Variants in E2F3 observed in about 807,000 individuals in gnomAD.
The protein encoded by E2F3 is E2F transcription factor 3, also known as transcription factor E2F3.
E2F3 carries 11 observed loss-of-function variants against 44.4 expected under a neutral mutation model. The ratio of observed to expected loss-of-function variants is 0.25; its 90% CI spans 0.16 to 0.41. E2F3 has a LOEUF of 0.41. Among genes scored for constraint, E2F3 ranks in the 10% least tolerant of loss-of-function variants. The pLI is 1.00. For synonymous variants in E2F3, 249 were observed against 253.0 expected, an observed-to-expected ratio of 0.98 and a Z score of 0.15; for missense variants, 487 against 583.6, an observed-to-expected ratio of 0.83 and a Z score of 1.70.
At chr6:20,454,662 G>A (rs1041811552) in intron 1 of E2F3, among the ~76,000 whole-genome samples, 19 of 152,246 alleles carry the variant, frequency 1.2e-4, no homozygotes, top group African/African-American at 3.4e-4. Context: ...GTTTTGTAGC[G>A]TTGAAGACTT....
chr6:20,428,233 T>C (rs1760279997), intron 1 of E2F3, among the ~76,000 whole-genome samples: 1 of 151,938 alleles, frequency 6.6e-6, no homozygotes. Flanking sequence ...TTATTTTTTT[T>C]TATTTTTTGA....
chr6:20,424,838 G>C (rs375497431), intron 1 of E2F3, among the ~76,000 whole-genome samples: 1 of 152,208 alleles, frequency 6.6e-6, no homozygotes, highest in Non-Finnish European at 1.5e-5. Flanking sequence ...GTGAGGCTCA[G>C]TGATGAAGCA....
At chr6:20,446,954 A>G (rs1479776118) in intron 1 of E2F3, among the ~76,000 whole-genome samples, 1 of 152,218 alleles carries the variant, frequency 6.6e-6, no homozygotes. Context: ...TAATAACAAA[A>G]AGCACCTTCA....
intron 1 of E2F3, among the ~76,000 whole-genome samples, chr6:20,451,994 A>G (rs1193700278): frequency 6.6e-6 from 1 of 152,200 alleles, no homozygotes; most frequent in African/African-American, 2.4e-5. Flanking sequence ...ATAGATGTTC[A>G]TCAAGGATAT....
intron 1 of E2F3, among the ~76,000 whole-genome samples, chr6:20,472,564 G>A (rs925583662): frequency 1.2e-4 from 19 of 152,084 alleles, no homozygotes; most frequent in African/African-American, 4.6e-4. Context: ...CTACTCAGGA[G>A]GCTGAGGTGG....
Position 20,402,466 on chromosome 6 carries a change from C to G in E2F3, c.234C>G (p.Ala78=). The G allele has an allele frequency of 6.2e-7, 1 of 1,609,936 alleles. No individual in the cohort carries two copies. Among genetic ancestry groups the G allele is most frequent in the African/African-American group, 1.3e-5 (1 of 74,930 alleles). Residue 78 remains alanine (A), a synonymous_variant, in exon 1 of 7, where the codon GCC becomes GCG. Coordinates refer to ENST00000346618, the MANE Select transcript of E2F3 (RefSeq NM_001949.5). This position sits in a 1 kb window ranked among gnomAD's most constrained non-coding sequence, Gnocchi z 5.6. ...TSCSSSLQSG[A]VAAGPLLPSA... Reference sequence around the variant, plus strand: ...GTTCCTCCTCCCTCCAAAGCGGCGCCGTAGCCGCCGGCCCCCTCCTCCCCA... The same window carrying G: ...GTTCCTCCTCCCTCCAAAGCGGCGCGGTAGCCGCCGGCCCCCTCCTCCCCA...
rs113085486 is a variant in E2F3, at chr6:20,483,055, ATG to A, written c.884+148_884+149del. The A allele has an allele frequency of 4.8e-3, 6,106 of 1,283,236 alleles. 59 individuals carry two copies. The highest frequency in any genetic ancestry group is 0.043 in the African/African-American group (2,884 of 67,816). 79.5% of individuals were successfully genotyped at this position (1,283,236 alleles called of 1,614,324 possible). On this transcript the variant is annotated intron_variant, in intron 4 of 6. Transcript: ENST00000346618. ...TGAGTACCTGTGTGCCTGTGTGTGT[ATG>A]TGTGTGTGTGTGCACGTGTGTGTGT...
At chr6:20,447,304 G>C (rs144838831) in intron 1 of E2F3, among the ~76,000 whole-genome samples, 2 of 152,148 alleles carry the variant, frequency 1.3e-5, no homozygotes, top group African/African-American at 2.4e-5. Flanking sequence ...GCAGTACTAC[G>C]TTATTAGTGG....
intron 1 of E2F3, chr6:20,403,769 T>C: frequency 2.0e-6 from 3 of 1,492,314 alleles, no homozygotes; most frequent in South Asian, 2.5e-5. Context: ...GGGCCCCCTC[T>C]CCAGCCGGCC....
At chr6:20,412,959 G>A (rs1034566872) in intron 1 of E2F3, among the ~76,000 whole-genome samples, 3 of 152,124 alleles carry the variant, frequency 2.0e-5, no homozygotes, top group Non-Finnish European at 4.4e-5. Flanking sequence ...TGCTTTACTC[G>A]CATTAGCACA....
chr6:20,424,210 G>GGGGT lies in E2F3; in HGVS notation c.393+21586_393+21587insGGTG, dbSNP rs1554135916. ...TTTTGATCTTTAACCTCAGTGGAAG[G>GGGGT]GTGTGTGTGTGTGTGTGTGTGTGTG... On this transcript the variant is annotated intron_variant, in intron 1 of 6. Transcript: ENST00000346618. Among the ~76,000 whole-genome samples the GGGGT allele has an allele frequency of 5.9e-4, 81 of 136,998 alleles. 1 individual carries two copies. Among genetic ancestry groups the GGGGT allele is most frequent in the Middle Eastern group, 4.0e-3 (1 of 250 alleles). 89.9% of individuals were successfully genotyped at this position (136,998 alleles called of 152,430 possible).
chr6:20,412,440 T>C (rs1413469462), intron 1 of E2F3, among the ~76,000 whole-genome samples: 1 of 152,084 alleles, frequency 6.6e-6, no homozygotes, highest in Non-Finnish European at 1.5e-5. Flanking sequence ...GGGGAGGCCC[T>C]TTCTGGCGGG....
intron 1 of E2F3, among the ~76,000 whole-genome samples, chr6:20,449,494 A>G (rs1025575674): frequency 3.3e-5 from 5 of 152,204 alleles, no homozygotes; most frequent in Non-Finnish European, 5.9e-5. Context: ...GTTGCAGTGA[A>G]TAACCTTGTA....
chr6:20,482,133 T>A (rs1321446518), intron 3 of E2F3, among the ~76,000 whole-genome samples: 1 of 152,188 alleles, frequency 6.6e-6, no homozygotes, highest in Non-Finnish European at 1.5e-5. Context: ...GATGAATACA[T>A]ACCTTTTTTT....
chr6:20,488,007 G>A lies in E2F3; in HGVS notation c.1000-106G>A, dbSNP rs1473109508. ...AGTTGGACTAGTAGGGAAAAAGCAA[G>A]TGAAAAACGAACATTGTTCTTACTT... On this transcript the variant is annotated intron_variant, in intron 5 of 6. Transcript: ENST00000346618. 3 of 1,512,780 alleles carry A rather than the reference G, an allele frequency of 2.0e-6. No individual in the cohort carries two copies. In the Admixed American group the frequency reaches 5.4e-5, roughly 27 times the overall value. The allele number at this position is 1,512,780 out of a possible 1,614,324, so 93.7% of individuals were successfully genotyped here. A position where few individuals can be genotyped will look rare whatever the true frequency, so the allele number is the denominator to read the frequency against.
chr6:20,440,305 G>T (rs943788608), intron 1 of E2F3: 14 of 152,182 alleles, frequency 9.2e-5, no homozygotes, highest in Admixed American at 9.2e-4. Context: ...AAATAATTTA[G>T]TAATGTCCAC....
chr6:20,492,270 G>A lies in E2F3; in HGVS notation c.*1840G>A. The A allele has an allele frequency of 8.6e-6, 2 of 231,698 alleles. No homozygotes were observed. The highest frequency in any genetic ancestry group is 1.7e-5 in the Non-Finnish European group (2 of 116,816). 14.4% of individuals were successfully genotyped at this position (231,698 alleles called of 1,614,324 possible). ...ATGACACCAGCACTTTAAACTCTTTGTGTGGGTATGCGTGGGTGTATGTTT... is the reference window on the plus strand; with the variant it reads ...ATGACACCAGCACTTTAAACTCTTTATGTGGGTATGCGTGGGTGTATGTTT... On this transcript the variant is annotated 3_prime_UTR_variant, in exon 7 of 7. Coordinates refer to ENST00000346618, the MANE Select transcript of E2F3 (RefSeq NM_001949.5).
chr6:20,472,843 A>G (rs943860872), intron 1 of E2F3, among the ~76,000 whole-genome samples: 1 of 152,274 alleles, frequency 6.6e-6, no homozygotes, highest in Admixed American at 6.5e-5. Context: ...CCATTAGTAT[A>G]TGTCTGCTTA....
Position 20,402,615 on chromosome 6 carries a change from G to T in E2F3, c.383G>T (p.Gly128Val). ...GGACGCGGCGGCAGCGGCGGCGGCGGCGGCCCTCCGGTAATACCCTCCCTC... is the reference window on the plus strand; with the variant it reads ...GGACGCGGCGGCAGCGGCGGCGGCGTCGGCCCTCCGGTAATACCCTCCCTC... ...ALGRGGSGGG[G>V]GPPAKRRLEL... Residue 128 changes from glycine to valine, a missense_variant, in exon 1 of 7, where the codon GGC (glycine) becomes GTC (valine). By Grantham distance (109) the Gly-to-Val change is moderately radical (BLOSUM62 -3). Coordinates refer to ENST00000346618, the MANE Select transcript of E2F3 (RefSeq NM_001949.5). The surrounding 1 kb of genome is among the most constrained non-coding windows in gnomAD (Gnocchi z 5.6). 3 of 1,339,626 alleles carry T rather than the reference G, an allele frequency of 2.2e-6. No individual in the cohort carries two copies. The South Asian group carries it at 6.0e-5, about 27-fold the overall frequency. 83.0% of individuals were successfully genotyped at this position (1,339,626 alleles called of 1,614,324 possible).
Sources: gnomAD v4.1 joint callset for allele counts (sites outside exome capture counted in the v4.1 genomes callset) on GRCh38, gnomAD v4.1.1 for gene constraint, Gnocchi (gnomAD v3.1) non-coding constraint, MANE v1.5 for transcripts, NCBI Gene and HGNC (gene_info 2026-07-23, HGNC 2026-07-21) for gene names.